Variants in LRRC4C observed in about 807,000 individuals in gnomAD.
LRRC4C encodes leucine rich repeat containing 4C.
LRRC4C carries 5 observed loss-of-function variants against 33.6 expected under a neutral mutation model. The observed-to-expected ratio is 0.15, with a 90% confidence interval of 0.08 to 0.31. The LOEUF is 0.31. Ranked by LOEUF, LRRC4C falls within the 10% of genes least tolerant of loss-of-function variation. LRRC4C has a pLI of 1.00. For synonymous variants in LRRC4C, 329 were observed against 302.0 expected (o/e 1.09, Z -0.93); for missense variants, 560 against 796.7 (o/e 0.70, Z 3.58).
chr11:40,358,664 C>G (rs1243145033), intron 3 of LRRC4C, among the ~76,000 whole-genome samples: 1 of 152,134 alleles, frequency 6.6e-6, no homozygotes, highest in East Asian at 1.9e-4. Flanking sequence ...ACAGGTTTGT[C>G]TCTTTGTGTG....
chr11:40,173,560 T>C (rs1460316870), intron 5 of LRRC4C, among the ~76,000 whole-genome samples: 1 of 152,230 alleles, frequency 6.6e-6, no homozygotes, highest in Non-Finnish European at 1.5e-5. Context: ...TACTTGTCTA[T>C]GCATCCTTTA....
chr11:40,139,261 C>G (rs888764942), intron 6 of LRRC4C, among the ~76,000 whole-genome samples: 4 of 152,276 alleles, frequency 2.6e-5, no homozygotes, highest in Admixed American at 2.6e-4. Context: ...GTCAGTTAAA[C>G]TTGCTGCTCA....
intron 3 of LRRC4C, among the ~76,000 whole-genome samples, chr11:40,579,448 A>ATTTTGT (rs372820349): frequency 0.19 from 28,043 of 150,114 alleles, 2,700 homozygotes; most frequent in Middle Eastern, 0.25. Flanking sequence ...CACTGTATTT[A>ATTTTGT]TTTTGTTTTT....
chr11:40,680,162 C>A (rs909381128), intron 2 of LRRC4C, among the ~76,000 whole-genome samples: 1 of 152,160 alleles, frequency 6.6e-6, no homozygotes, highest in Non-Finnish European at 1.5e-5. Flanking sequence ...GGCCTTTAGC[C>A]TTTAAGCTTC....
At chr11:41,003,485 G>A (rs1854522703) in intron 1 of LRRC4C, among the ~76,000 whole-genome samples, 1 of 152,126 alleles carries the variant, frequency 6.6e-6, no homozygotes, top group Non-Finnish European at 1.5e-5. Context: ...AATACGGTAT[G>A]GAGGCTACAA....
chr11:40,151,261 C>A (rs1032679354), intron 5 of LRRC4C, among the ~76,000 whole-genome samples: 1 of 152,286 alleles, frequency 6.6e-6, no homozygotes, highest in African/African-American at 2.4e-5. Context: ...CACAACCAGA[C>A]AACAGACTCT....
chr11:40,167,780 G>A (rs1240581897), intron 5 of LRRC4C, among the ~76,000 whole-genome samples: 1 of 152,058 alleles, frequency 6.6e-6, no homozygotes, highest in African/African-American at 2.4e-5. Flanking sequence ...TAAGGGAATA[G>A]ACTAGAGTCA....
chr11:40,615,096 T>C (rs549695931), intron 3 of LRRC4C, among the ~76,000 whole-genome samples: 1 of 151,230 alleles, frequency 6.6e-6, no homozygotes, highest in East Asian at 1.9e-4. Context: ...TTGCAAAATA[T>C]CCAAAGAAAA....
intron 3 of LRRC4C, among the ~76,000 whole-genome samples, chr11:40,646,432 T>C (rs550475621): frequency 2.6e-5 from 4 of 152,270 alleles, no homozygotes; most frequent in African/African-American, 9.6e-5. Context: ...AGCCCACACA[T>C]GTTGCCAGAA....
chr11:40,525,339 G>A lies in LRRC4C; in HGVS notation c.-270+122803C>T, dbSNP rs12294721. Among the ~76,000 whole-genome samples the A allele has an allele frequency of 6.7e-3, 1,022 of 152,084 alleles. 16 individuals carry two copies. Among genetic ancestry groups the A allele is most frequent in the African/African-American group, 0.024 (977 of 41,492 alleles). The stretch of plus-strand genomic sequence containing the variant: ...CACACGCCTGTAGTCCCAGCTATTC[G>A]GGAGGCTGAGGCAGGAGAATCGCTT... On this transcript the variant is annotated intron_variant, in intron 3 of 6. Transcript: ENST00000528697.
chr11:40,371,226 C>A (rs1014646649), intron 3 of LRRC4C, among the ~76,000 whole-genome samples: 2 of 152,100 alleles, frequency 1.3e-5, no homozygotes, highest in Non-Finnish European at 2.9e-5. Context: ...GAATTTGTGT[C>A]ATTAAAAAAA....
At chr11:40,898,065 T>C (rs943077258) in intron 2 of LRRC4C, among the ~76,000 whole-genome samples, 1 of 152,106 alleles carries the variant, frequency 6.6e-6, no homozygotes, top group Non-Finnish European at 1.5e-5. Flanking sequence ...CTATGAAATA[T>C]AAGTTGAGGC....
intron 1 of LRRC4C, among the ~76,000 whole-genome samples, chr11:41,016,710 G>A (rs76097930): frequency 8.9e-6 from 1 of 112,728 alleles, no homozygotes; most frequent in Non-Finnish European, 2.1e-5. Flanking sequence ...AACACAGAGA[G>A]GTTTTCAGCC....
chr11:40,520,211 G>A (rs972651833), intron 3 of LRRC4C, among the ~76,000 whole-genome samples: 2 of 152,258 alleles, frequency 1.3e-5, no homozygotes, highest in Non-Finnish European at 1.5e-5. Flanking sequence ...ACCCAAGAGC[G>A]CATGTTATCA....
intron 1 of LRRC4C, among the ~76,000 whole-genome samples, chr11:41,158,484 G>T (rs78221960): frequency 3.4e-4 from 52 of 152,136 alleles, no homozygotes; most frequent in African/African-American, 1.2e-3. Context: ...AGGAATTCAC[G>T]GGTTACATAA....
chr11:40,512,976 G>A (rs1460648756), intron 3 of LRRC4C, among the ~76,000 whole-genome samples: 2 of 152,068 alleles, frequency 1.3e-5, no homozygotes, highest in Non-Finnish European at 2.9e-5. Flanking sequence ...AAGGCTGGGC[G>A]CGGTGGCTCA....
chr11:41,302,233 A>G (rs570779229), intron 1 of LRRC4C, among the ~76,000 whole-genome samples: 91 of 152,338 alleles, frequency 6.0e-4, no homozygotes, highest in African/African-American at 2.0e-3. Context: ...TATCACCTCA[A>G]ATAGATAAAT....
At chr11:40,722,429 C>T (rs1421341257) in intron 2 of LRRC4C, among the ~76,000 whole-genome samples, 1 of 152,134 alleles carries the variant, frequency 6.6e-6, no homozygotes, top group African/African-American at 2.4e-5. Context: ...AAGAAAACTA[C>T]ACTGCTTCAA....
intron 2 of LRRC4C, among the ~76,000 whole-genome samples, chr11:40,902,827 G>T (rs1333782167): frequency 6.6e-6 from 1 of 152,116 alleles, no homozygotes. Flanking sequence ...ACCTGCAGAA[G>T]AAAAGTTTAA....
Sources: allele counts gnomAD v4.1 joint callset (sites outside exome capture counted in the v4.1 genomes callset), GRCh38; gene constraint gnomAD v4.1.1; transcripts MANE v1.5; gene names NCBI Gene and HGNC (gene_info 2026-07-23, HGNC 2026-07-21).